CALB2: variants seen among roughly 807,000 people sequenced by gnomAD.
CALB2 encodes the protein calbindin 2, also known as calretinin.
A neutral mutation model predicts 45.9 loss-of-function variants in CALB2; 34 were observed. That is an observed-to-expected ratio of 0.74 (90% CI 0.56 to 0.99). The LOEUF is 0.99. Ranked by LOEUF, CALB2 falls within the 50% of genes least tolerant of loss-of-function variation. The probability of loss-of-function intolerance (pLI) is 0.00; values close to 1 mark genes in which losing one functional copy is unlikely to be tolerated. For synonymous variants in CALB2, 142 were observed against 129.6 expected (o/e 1.10, Z -0.65); for missense variants, 344 against 339.3 (o/e 1.01, Z -0.11).
At chr16:71,364,425 AG>A (rs1300177081) in intron 1 of CALB2, among the ~76,000 whole-genome samples, 1 of 152,218 alleles carries the variant, frequency 6.6e-6, no homozygotes, top group Non-Finnish European at 1.5e-5. Flanking sequence ...CCAAAACCAA[AG>A]GAGCTAGAAT....
At position 71,390,020 on chromosome 16, in the gene CALB2, G is replaced by T; in HGVS notation, c.*155G>T. 2 of 609,842 alleles carry T rather than the reference G, an allele frequency of 3.3e-6. No individual in the cohort carries two copies. The highest frequency in any genetic ancestry group is 2.9e-6 in the Non-Finnish European group (1 of 342,278). The allele number at this position is 609,842 out of a possible 1,614,324, so 37.8% of individuals were successfully genotyped here. A position where few individuals can be genotyped will look rare whatever the true frequency, so the allele number is the denominator to read the frequency against. On this transcript the variant is annotated 3_prime_UTR_variant, in exon 11 of 11. Coordinates refer to ENST00000302628, the MANE Select transcript of CALB2 (RefSeq NM_001740.5). ...GCAGGAAATGAGAGATAGAGGATGG[G>T]CAGCTGGGGGGCTGTCCTGAGCCCC...
chr16:71,372,127 T>G, intron 1 of CALB2, 26 bp from the exon 2 acceptor site: 3 of 1,513,654 alleles, frequency 2.0e-6, no homozygotes, highest in Middle Eastern at 1.7e-4. Context: ...AGTGCTGAGA[T>G]TGATTTTTTC....
chr16:71,371,853 G>C (rs1371528585), intron 1 of CALB2, among the ~76,000 whole-genome samples: 1 of 152,134 alleles, frequency 6.6e-6, no homozygotes, highest in East Asian at 1.9e-4. Flanking sequence ...CTGCCACCTC[G>C]TGCTTGCCCA....
intron 1 of CALB2, 33 bp downstream of exon 1, chr16:71,358,919 G>A (rs1223637694): frequency 1.3e-6 from 2 of 1,586,264 alleles, no homozygotes; most frequent in Non-Finnish European, 1.7e-6. Flanking sequence ...GTGCCCATTG[G>A]CACCCAGGGG....
chr16:71,375,117 A>C (rs1266794667), intron 3 of CALB2, among the ~76,000 whole-genome samples: 2 of 152,366 alleles, frequency 1.3e-5, no homozygotes, highest in African/African-American at 4.8e-5. Flanking sequence ...AGCTGAAGAC[A>C]CTAGGGAGGC....
At chr16:71,362,715 T>G (rs1000076978) in intron 1 of CALB2, among the ~76,000 whole-genome samples, 15 of 152,210 alleles carry the variant, frequency 9.9e-5, no homozygotes, top group African/African-American at 3.6e-4. Context: ...GAATGATATA[T>G]GTATGTTGCA....
intron 1 of CALB2, among the ~76,000 whole-genome samples, chr16:71,363,010 C>G (rs928634261): frequency 2.0e-5 from 3 of 151,876 alleles, no homozygotes; most frequent in Non-Finnish European, 2.9e-5. Context: ...TGAGACCCCC[C>G]CTCCCCCTAC....
intron 8 of CALB2, among the ~76,000 whole-genome samples, 153 bp downstream of exon 8, chr16:71,384,531 TCACACACACAAAACA>T (rs1362679984): frequency 1.1e-4 from 8 of 74,924 alleles, no homozygotes; most frequent in African/African-American, 4.2e-4. Flanking sequence ...CACACACAGA[TCACACACACAAAACA>T]CACACAGACC....
At chr16:71,389,454 A>G in intron 10 of CALB2, 2 of 544,582 alleles carry the variant, frequency 3.7e-6, no homozygotes, top group Non-Finnish European at 7.1e-6. Flanking sequence ...TCACGTAATC[A>G]TCGCAACACC....
In CALB2 at chr16:71,358,757, G is replaced by C. The variant is rs1555524411; in HGVS notation, c.-36G>C. ...GCCAGAGCCCAGCCGGCGCGGAGCG[G>C]GAGCGGTGCAGGCTGAGGTCTCCGA... On this transcript the variant is annotated 5_prime_UTR_variant, in exon 1 of 11. Transcript: ENST00000302628. The C allele has an allele frequency of 1.3e-6, 2 of 1,539,438 alleles. No homozygotes were observed. Among genetic ancestry groups the C allele is most frequent in the South Asian group, 2.3e-5 (2 of 85,816 alleles).
intron 8 of CALB2, 151 bp downstream of exon 8, chr16:71,384,529 G>T: frequency 1.7e-6 from 1 of 588,848 alleles, no homozygotes; most frequent in Non-Finnish European, 3.0e-6. Context: ...AACACACACA[G>T]ATCACACACA....
intron 2 of CALB2, among the ~76,000 whole-genome samples, chr16:71,372,520 T>C (rs757664036): frequency 2.6e-5 from 4 of 152,166 alleles, no homozygotes; most frequent in Non-Finnish European, 5.9e-5. Context: ...TGTAGTATTT[T>C]TTTGTCCCTA....
At chr16:71,362,649 A>G (rs1016570241) in intron 1 of CALB2, among the ~76,000 whole-genome samples, 2 of 152,218 alleles carry the variant, frequency 1.3e-5, no homozygotes, top group Non-Finnish European at 2.9e-5. Context: ...AAGATGTATT[A>G]TTAAGATATT....
At chr16:71,379,348 C>T (rs1235470948) in intron 4 of CALB2, among the ~76,000 whole-genome samples, 1 of 151,970 alleles carries the variant, frequency 6.6e-6, no homozygotes, top group African/African-American at 2.4e-5. Context: ...AATATAATTT[C>T]CTTGAGATCT....
At chr16:71,381,874 G>A (rs1047782476) in intron 4 of CALB2, among the ~76,000 whole-genome samples, 6 of 151,840 alleles carry the variant, frequency 4.0e-5, no homozygotes, top group Admixed American at 6.6e-5. Flanking sequence ...AATTAGTTGC[G>A]TGTGGTGGTG....
At chr16:71,373,221 C>T (rs979298887) in intron 2 of CALB2, among the ~76,000 whole-genome samples, 2 of 152,244 alleles carry the variant, frequency 1.3e-5, no homozygotes, top group East Asian at 1.9e-4. Context: ...TCCCCTGCTG[C>T]GTGTCTGTTG....
Position 71,389,920 on chromosome 16 carries a change from G to T in CALB2, c.*55G>T. The T allele has an allele frequency of 7.9e-7, 1 of 1,263,246 alleles. No homozygotes were observed. The highest frequency in any genetic ancestry group is 1.2e-6 in the Non-Finnish European group (1 of 868,144). 78.3% of individuals were successfully genotyped at this position (1,263,246 alleles called of 1,614,324 possible). A position where few individuals can be genotyped will look rare whatever the true frequency, so the allele number is the denominator to read the frequency against. On this transcript the variant is annotated 3_prime_UTR_variant, in exon 11 of 11. Coordinates refer to ENST00000302628, the MANE Select transcript of CALB2 (RefSeq NM_001740.5). ...CCCCAAACCCTGCTTCTGCTGCCCT[G>T]ATGCGTCTACCCAGACTCAGAGACC...
At chr16:71,368,240 G>A (rs1051064599) in intron 1 of CALB2, among the ~76,000 whole-genome samples, 1 of 152,202 alleles carries the variant, frequency 6.6e-6, no homozygotes, top group Non-Finnish European at 1.5e-5. Flanking sequence ...TTCCTCCAAT[G>A]GTCCAGGCAC....
At position 71,389,955 on chromosome 16, in the gene CALB2, C is replaced by A; in HGVS notation, c.*90C>A. 1 of 795,824 alleles carries A rather than the reference C, an allele frequency of 1.3e-6. No individual in the cohort carries two copies. The highest frequency in any genetic ancestry group is 2.2e-6 in the Non-Finnish European group (1 of 460,932). The allele number at this position is 795,824 out of a possible 1,614,324, so 49.3% of individuals were successfully genotyped here. The stretch of plus-strand genomic sequence containing the variant: ...CCCAGACTCAGAGACCGTGAGCGCC[C>A]CGCCCCCACCCCTACAGCCTGCACA... On this transcript the variant is annotated 3_prime_UTR_variant, in exon 11 of 11. Coordinates refer to ENST00000302628, the MANE Select transcript of CALB2 (RefSeq NM_001740.5).
Sources: allele counts gnomAD v4.1 joint callset (sites outside exome capture counted in the v4.1 genomes callset), GRCh38; gene constraint gnomAD v4.1.1; transcripts MANE v1.5; gene names NCBI Gene and HGNC (gene_info 2026-07-23, HGNC 2026-07-21).